The following MGA variants were observed in gnomAD, a reference collection of about 807,000 sequenced individuals.
The protein encoded by MGA is MAX dimerization protein MGA.
In MGA, 40 loss-of-function variants were observed where a neutral mutation model predicts 261.1. That is an observed-to-expected ratio of 0.15 (90% confidence interval 0.12 to 0.20). The LOEUF (loss-of-function observed/expected upper bound fraction) is 0.20. Among genes scored for constraint, MGA ranks in the 10% least tolerant of loss-of-function variants. The probability of loss-of-function intolerance (pLI) is 1.00; values close to 1 mark genes in which losing one functional copy is unlikely to be tolerated. For synonymous variants in MGA, 1,302 were observed against 1,290.6 expected (o/e 1.01, Z -0.19); for missense variants, 3,397 against 3,630.5 (o/e 0.94, Z 1.65).
chr15:41,711,529 G>A (rs2060384845), intron 8 of MGA, among the ~76,000 whole-genome samples, 180 bp downstream of exon 8: 1 of 151,992 alleles, frequency 6.6e-6, no homozygotes, highest in Admixed American at 6.6e-5. Context: ...AGATACTCAG[G>A]TGTAGATTTC....
intron 13 of MGA, among the ~76,000 whole-genome samples, chr15:41,738,399 G>A (rs2061906944): frequency 2.0e-5 from 3 of 152,112 alleles, no homozygotes; most frequent in Admixed American, 6.6e-5. Flanking sequence ...CATCTCAAAA[G>A]AGAAAATAAT....
At chr15:41,676,193 T>C (rs965475921) in intron 2 of MGA, among the ~76,000 whole-genome samples, 7 of 152,250 alleles carry the variant, frequency 4.6e-5, no homozygotes, top group African/African-American at 1.7e-4. Flanking sequence ...TTTGATTTTT[T>C]TTTTTTTGAG....
chr15:41,747,927 A>G (rs2062597508), intron 15 of MGA, among the ~76,000 whole-genome samples: 2 of 152,210 alleles, frequency 1.3e-5, no homozygotes, highest in Non-Finnish European at 2.9e-5. Flanking sequence ...CAACTTTATA[A>G]TCCAAATTAG....
chr15:41,643,491 C>T (rs1049617325), intron 1 of MGA, among the ~76,000 whole-genome samples: 6 of 148,798 alleles, frequency 4.0e-5, no homozygotes, highest in African/African-American at 9.9e-5. Context: ...CTGCCTGCCT[C>T]GACCTCCCAA....
chr15:41,635,546 A>T (rs1757256756), intron 1 of MGA, among the ~76,000 whole-genome samples: 1 of 152,032 alleles, frequency 6.6e-6, no homozygotes, highest in Admixed American at 6.6e-5. Flanking sequence ...ATTTTAAAAA[A>T]TTAGCTGAGT....
chr15:41,761,771 G>T lies in MGA; in HGVS notation c.7431G>T (p.Gln2477His). 6.3e-7 allele frequency: 1 copy of T among 1,598,804 alleles called. No homozygotes were observed. The highest frequency in any genetic ancestry group is 8.5e-7 in the Non-Finnish European group (1 of 1,171,922). ...GTGAAATTCAGGGACTAACAGATCA[G>T]GCAGACAAATTGATAGGACAGAAAA... Residue 2477 changes from glutamine (Q) to histidine (H), a missense_variant, in exon 21 of 24, where the codon CAG becomes CAT. Gln to His is a conservative substitution (Grantham distance 24). This residue lies in a region of MGA where 50 missense variants were observed against 121.5 expected (regional missense o/e 0.41). Transcript: ENST00000219905.
At chr15:41,715,889 C>CT (rs2060609376) in intron 9 of MGA, among the ~76,000 whole-genome samples, 1 of 152,114 alleles carries the variant, frequency 6.6e-6, no homozygotes, top group Non-Finnish European at 1.5e-5. Context: ...CCTTCTTATG[C>CT]TTAAGACAAG....
upstream of MGA, among the ~76,000 whole-genome samples, chr15:41,656,344 TTCTCTCTCTCTCTC>T (rs59370765): frequency 7.8e-4 from 47 of 60,030 alleles, no homozygotes; most frequent in African/African-American, 1.8e-3. Flanking sequence ...CTCTCCTCTC[TTCTCTCTCTCTCTC>T]TCTCTCTCTC....
chr15:41,659,102 C>T (rs1445489292), upstream of MGA, among the ~76,000 whole-genome samples: 2 of 152,112 alleles, frequency 1.3e-5, no homozygotes, highest in African/African-American at 4.8e-5. Context: ...TCAATTTTGC[C>T]TAGGATCTTG....
intron 5 of MGA, among the ~76,000 whole-genome samples, chr15:41,705,199 A>G (rs75647005): frequency 0.033 from 5,022 of 152,230 alleles, 140 homozygotes; most frequent in South Asian, 0.07. Context: ...GCATGACCTC[A>G]GGTGATCTGC....
intron 22 of MGA, among the ~76,000 whole-genome samples, 191 bp from the exon 23 acceptor site, chr15:41,764,695 G>T (rs943944357): frequency 1.3e-5 from 2 of 151,602 alleles, no homozygotes; most frequent in African/African-American, 4.9e-5. Flanking sequence ...CACCACACCC[G>T]CCTAATTTAA....
chr15:41,742,475 G>A lies in MGA; in HGVS notation c.4586-71G>A, dbSNP rs1158544260. 22 of 1,540,300 alleles carry A rather than the reference G, an allele frequency of 1.4e-5. No individual in the cohort carries two copies. The East Asian group carries it at 1.8e-4, about 13-fold the overall frequency. ...GACCCAGTAGTGCACAGTAAATGTC[G>A]GTAAGCACAGTCACTAAGAGGATAA... On this transcript the variant is annotated intron_variant, in intron 14 of 23. Transcript: ENST00000219905.
chr15:41,664,146 T>C (rs1226220880), intron 1 of MGA, among the ~76,000 whole-genome samples: 1 of 152,202 alleles, frequency 6.6e-6, no homozygotes, highest in Non-Finnish European at 1.5e-5. Context: ...AAACCGGCCT[T>C]ATACAAATCA....
intron 1 of MGA, among the ~76,000 whole-genome samples, chr15:41,647,752 A>C (rs1232601820): frequency 2.2e-5 from 3 of 135,380 alleles, no homozygotes; most frequent in African/African-American, 2.5e-5. Context: ...GCTAAGGTTC[A>C]CCTTTTTTAT....
At position 41,669,523 on chromosome 15, in the gene MGA, A is replaced by G. The variant is rs376794984; in HGVS notation, c.629A>G (p.Glu210Gly). 1.1e-5 allele frequency: 17 copies of G among 1,613,928 alleles called. No individual in the cohort carries two copies. Among genetic ancestry groups the G allele is most frequent in the African/African-American group, 2.7e-5 (2 of 74,940 alleles). The change falls in exon 2 of 24, where the codon GAA (glutamate) becomes GGA (glycine). Residue 210 changes from glutamate (E) to glycine (G), a missense_variant. Physicochemically the swap from Glu to Gly is moderately conservative, Grantham distance 98. Coordinates refer to ENST00000219905, the MANE Select transcript of MGA (RefSeq NM_001164273.2). The stretch of plus-strand genomic sequence containing the variant: ...CCGAGGCTTCATTTGGTGCCTGCAG[A>G]AAAGGCTGTGGAGGTGATACAATTA...
intron 3 of MGA, among the ~76,000 whole-genome samples, chr15:41,697,349 G>A (rs944684399): frequency 2.6e-5 from 4 of 151,722 alleles, no homozygotes; most frequent in African/African-American, 9.7e-5. Context: ...AAAAATACAT[G>A]AAATATTTAC....
intron 15 of MGA, among the ~76,000 whole-genome samples, chr15:41,745,052 T>C (rs1295307785): frequency 6.6e-6 from 1 of 152,104 alleles, no homozygotes; most frequent in Non-Finnish European, 1.5e-5. Context: ...GTGTATATTA[T>C]ATTTTTAGTA....
rs201877991 is a variant in MGA at position 41,725,552 on chromosome 15, G to A, written c.3431-1628G>A. On this transcript the variant is annotated intron_variant, in intron 9 of 23. Transcript: ENST00000219905. ...TACTCTTAAAAAAATAAATAAGTAG[G>A]GCCGGGCGCGGTGGCTCACGCCTGT... Among the ~76,000 whole-genome samples, 15 of 11,330 alleles carry A rather than the reference G, an allele frequency of 1.3e-3. 4 individuals are homozygous for A. The highest frequency in any genetic ancestry group is 2.8e-3 in the Admixed American group (2 of 724). The allele number at this position is 11,330 out of a possible 152,430, so 7.4% of individuals were successfully genotyped here.
At chr15:41,729,667 CA>C (rs572661702) in intron 11 of MGA, among the ~76,000 whole-genome samples, 31 of 143,442 alleles carry the variant, frequency 2.2e-4, no homozygotes, top group Admixed American at 2.8e-4. Context: ...ACTAAAAATA[CA>C]AAAAAAAAAA....
Sources: allele counts gnomAD v4.1 joint callset (sites outside exome capture counted in the v4.1 genomes callset), GRCh38; gene constraint gnomAD v4.1.1; regional missense constraint gnomAD v4.1.1; transcripts MANE v1.5; gene names NCBI Gene and HGNC (gene_info 2026-07-23, HGNC 2026-07-21).